VPS54: variants seen among roughly 807,000 people sequenced by gnomAD.
The protein encoded by VPS54 is VPS54 subunit of GARP complex.
Under a neutral mutation model 121.5 loss-of-function variants are expected in VPS54, and 45 were observed. The observed-to-expected ratio is 0.37, with a 90% CI of 0.29 to 0.47. The LOEUF is 0.47. Ranked by LOEUF, VPS54 falls within the 20% of genes least tolerant of loss-of-function variation. The pLI is 0.99. For synonymous variants in VPS54, 371 were observed against 385.8 expected (o/e 0.96, Z 0.45); for missense variants, 1,090 against 1,131.4 (o/e 0.96, Z 0.52).
At chr2:63,919,465 T>C (rs1266715901) in intron 15 of VPS54, among the ~76,000 whole-genome samples, 1 of 152,070 alleles carries the variant, frequency 6.6e-6, no homozygotes, top group African/African-American at 2.4e-5. Flanking sequence ...CTTACTCAAT[T>C]CATGTATGTA....
intron 3 of VPS54, among the ~76,000 whole-genome samples, chr2:63,973,332 G>A (rs1676371612): frequency 6.6e-6 from 1 of 152,108 alleles, no homozygotes; most frequent in Non-Finnish European, 1.5e-5. Context: ...CTTCTTTGGT[G>A]AGGTATTTAG....
intron 1 of VPS54, among the ~76,000 whole-genome samples, chr2:63,994,298 G>C (rs1677477287): frequency 6.6e-6 from 1 of 152,044 alleles, no homozygotes; most frequent in Non-Finnish European, 1.5e-5. Flanking sequence ...CTTACACTAG[G>C]TTTTATTTAA....
At chr2:63,898,375 G>A (rs1002775248) in intron 21 of VPS54, among the ~76,000 whole-genome samples, 4 of 152,124 alleles carry the variant, frequency 2.6e-5, no homozygotes, top group Non-Finnish European at 5.9e-5. Context: ...AAAAGGAGAC[G>A]ACCCTAGTGG....
At chr2:63,996,162 G>A (rs555077389) in intron 1 of VPS54, among the ~76,000 whole-genome samples, 1 of 152,318 alleles carries the variant, frequency 6.6e-6, no homozygotes, top group East Asian at 1.9e-4. Flanking sequence ...CCTGAACGGA[G>A]GGACCGGCTG....
intron 1 of VPS54, among the ~76,000 whole-genome samples, chr2:64,006,609 G>A (rs1455904346): frequency 3.3e-5 from 5 of 151,794 alleles, no homozygotes; most frequent in African/African-American, 7.3e-5. Flanking sequence ...ATAAATAATT[G>A]CAACAACTAT....
chr2:63,945,442 T>C (rs1674933476), intron 9 of VPS54, among the ~76,000 whole-genome samples: 1 of 152,154 alleles, frequency 6.6e-6, no homozygotes, highest in Non-Finnish European at 1.5e-5. Context: ...TAATGGGTAC[T>C]AGGCTTAATA....
rs184968775 is a variant in VPS54, at chr2:63,976,914, C to T, written c.379-4670G>A. Among the ~76,000 whole-genome samples the T allele has an allele frequency of 3.3e-3, 498 of 150,160 alleles. 1 individual carries two copies. Among genetic ancestry groups the T allele is most frequent in the African/African-American group, 9.8e-3 (399 of 40,582 alleles). On this transcript the variant is annotated intron_variant, in intron 3 of 22. Coordinates refer to ENST00000272322, the MANE Select transcript of VPS54 (RefSeq NM_016516.3). Reference sequence around the variant, plus strand: ...CACGATCTCAGCTCACTGCAACCTCCGCCTCCCAGGTTCACGTGATTCTCT... The same window carrying T: ...CACGATCTCAGCTCACTGCAACCTCTGCCTCCCAGGTTCACGTGATTCTCT...
At chr2:63,929,591 T>C (rs1385200546) in intron 12 of VPS54, among the ~76,000 whole-genome samples, 1 of 150,300 alleles carries the variant, frequency 6.7e-6, no homozygotes, top group Non-Finnish European at 1.5e-5. Context: ...CACCCTAACA[T>C]CACAATTAAA....
intron 9 of VPS54, among the ~76,000 whole-genome samples, chr2:63,946,379 T>C (rs978409029): frequency 5.9e-5 from 9 of 152,230 alleles, no homozygotes; most frequent in African/African-American, 2.2e-4. Context: ...TATATACATA[T>C]TTCTGTTGGG....
Position 63,962,393 on chromosome 2 carries a change from A to T in VPS54, c.675T>A (p.Ser225=). The part of the protein sequence containing the change: ...IVEVNIAHQI[S]LRSEAFFHAM... Reference sequence around the variant, plus strand: ...CATGAAAAAATGCTTCTGAACGTAGAGAGATCTGGTGAGCAATGTTTACTT... The same window carrying T: ...CATGAAAAAATGCTTCTGAACGTAGTGAGATCTGGTGAGCAATGTTTACTT... Residue 225 remains serine, a synonymous_variant, in exon 7 of 23, where the codon TCT becomes TCA. Transcript: ENST00000272322. The T allele has an allele frequency of 6.2e-7, 1 of 1,613,902 alleles. No homozygotes were observed.
chr2:63,904,719 A>G (rs897147842), intron 20 of VPS54, among the ~76,000 whole-genome samples: 1 of 152,190 alleles, frequency 6.6e-6, no homozygotes. Flanking sequence ...TATACACAGG[A>G]CACTCTACCC....
chr2:63,929,476 A>T (rs1326938102), intron 12 of VPS54, among the ~76,000 whole-genome samples: 2 of 152,210 alleles, frequency 1.3e-5, no homozygotes. Flanking sequence ...ATGAGAACAA[A>T]GACACAACGT....
At chr2:63,919,559 A>G (rs1326521641) in intron 15 of VPS54, among the ~76,000 whole-genome samples, 1 of 152,096 alleles carries the variant, frequency 6.6e-6, no homozygotes, top group Admixed American at 6.5e-5. Context: ...TTGTATAAAA[A>G]TTCCTTAACC....
chr2:64,002,743 G>A (rs1677946410), intron 1 of VPS54, among the ~76,000 whole-genome samples: 1 of 152,132 alleles, frequency 6.6e-6, no homozygotes, highest in Non-Finnish European at 1.5e-5. Flanking sequence ...GAAAACATAT[G>A]CACATTCTCT....
intron 19 of VPS54, 35 bp from the exon 20 acceptor site, chr2:63,912,460 C>T: frequency 6.2e-7 from 1 of 1,608,846 alleles, no homozygotes; most frequent in South Asian, 1.1e-5. Context: ...TTTTTAAGTC[C>T]CTGGGACACA....
At chr2:63,925,551 T>TC (rs1160517019) in intron 12 of VPS54, among the ~76,000 whole-genome samples, 1 of 152,240 alleles carries the variant, frequency 6.6e-6, no homozygotes, top group African/African-American at 2.4e-5. Flanking sequence ...AACAAAGGTA[T>TC]CTAGAAGAAT....
chr2:64,009,906 A>C (rs1235222959), intron 1 of VPS54, among the ~76,000 whole-genome samples: 2 of 149,500 alleles, frequency 1.3e-5, no homozygotes, highest in Admixed American at 1.3e-4. Flanking sequence ...CAGTGGCGTG[A>C]TCTCGGCTCA....
At chr2:63,992,423 T>C (rs1011478266) in intron 1 of VPS54, among the ~76,000 whole-genome samples, 6 of 152,338 alleles carry the variant, frequency 3.9e-5, no homozygotes, top group Admixed American at 6.5e-5. Context: ...GTCCAAAACA[T>C]GAAGGGATTA....
intron 20 of VPS54, among the ~76,000 whole-genome samples, chr2:63,900,471 T>TTA (rs1014593559): frequency 2.0e-5 from 3 of 152,184 alleles, no homozygotes; most frequent in Non-Finnish European, 2.9e-5. Context: ...ATCTTTTAGC[T>TTA]TATATTTTAG....
Sources: gnomAD v4.1 joint callset for allele counts (sites outside exome capture counted in the v4.1 genomes callset) on GRCh38, gnomAD v4.1.1 for gene constraint, MANE v1.5 for transcripts, NCBI Gene and HGNC (gene_info 2026-07-23, HGNC 2026-07-21) for gene names.